The following SEL1L3 variants were observed in gnomAD, a reference collection of about 807,000 sequenced individuals.
SEL1L3 encodes protein sel-1 homolog 3.
Under a neutral mutation model 142.8 loss-of-function variants are expected in SEL1L3, and 76 were observed. That is an observed-to-expected ratio of 0.53 (90% confidence interval 0.44 to 0.64). The LOEUF (loss-of-function observed/expected upper bound fraction) is 0.64. SEL1L3 is among the 30% of genes least tolerant of loss of function. SEL1L3 has a pLI of 0.00. For synonymous variants in SEL1L3, 504 were observed against 519.6 expected, an observed-to-expected ratio of 0.97 and a Z score of 0.41; for missense variants, 1,262 against 1,381.7, an observed-to-expected ratio of 0.91 and a Z score of 1.37.
chr4:25,855,049 T>C (rs1003986316), intron 1 of SEL1L3, among the ~76,000 whole-genome samples: 2 of 152,240 alleles, frequency 1.3e-5, no homozygotes, highest in Admixed American at 1.3e-4. Flanking sequence ...ACCCATGCAA[T>C]GAAGGAAGCT....
At chr4:25,739,729 A>C in the SEL1L3 span, among the ~76,000 whole-genome samples, 1 of 149,028 alleles carries the variant, frequency 6.7e-6, no homozygotes. Flanking sequence ...ACAAAAAAAA[A>C]ACCCATGTGT....
chr4:25,744,783 AAGACTAAGACAC>A (rs1222877911), downstream of SEL1L3, among the ~76,000 whole-genome samples: 6 of 152,330 alleles, frequency 3.9e-5, no homozygotes, highest in East Asian at 1.2e-3. Context: ...CTTATGAGAA[AAGACTAAGACAC>A]AGACACACGC....
At chr4:25,767,261 G>A (rs1351410395) in intron 19 of SEL1L3, among the ~76,000 whole-genome samples, 1 of 152,124 alleles carries the variant, frequency 6.6e-6, no homozygotes, top group Non-Finnish European at 1.5e-5. Flanking sequence ...CTCCAGCCCG[G>A]GGAACAGAGT....
At chr4:25,794,686 A>G (rs1007401385) in intron 11 of SEL1L3, among the ~76,000 whole-genome samples, 1 of 152,212 alleles carries the variant, frequency 6.6e-6, no homozygotes, top group Middle Eastern at 3.2e-3. Context: ...ACCAGAAATA[A>G]CATTTGACCC....
At chr4:25,773,420 T>C (rs949407476) in intron 17 of SEL1L3, 1 of 152,154 alleles carries the variant, frequency 6.6e-6, no homozygotes, top group Non-Finnish European at 1.5e-5. Flanking sequence ...TGTCACTCTT[T>C]GGAGGTTATG....
At chr4:25,815,869 G>C (rs1034726110) in intron 9 of SEL1L3, among the ~76,000 whole-genome samples, 11 of 150,434 alleles carry the variant, frequency 7.3e-5, no homozygotes, top group African/African-American at 2.0e-4. Flanking sequence ...AGGGATATTG[G>C]GGGGGGTGCT....
At chr4:25,814,112 C>T (rs966748967) in intron 9 of SEL1L3, among the ~76,000 whole-genome samples, 1 of 152,118 alleles carries the variant, frequency 6.6e-6, no homozygotes, top group Non-Finnish European at 1.5e-5. Context: ...AGATGACTCT[C>T]AGACAGAACC....
chr4:25,802,532 G>T, intron 10 of SEL1L3, 70 bp from the exon 11 acceptor site: 1 of 1,326,356 alleles, frequency 7.5e-7, no homozygotes, highest in Non-Finnish European at 1.1e-6. Flanking sequence ...ACACTGAAAG[G>T]TTGTCAGGCC....
chr4:25,738,254 G>T, the SEL1L3 span, among the ~76,000 whole-genome samples: 1 of 152,108 alleles, frequency 6.6e-6, no homozygotes, highest in Admixed American at 6.6e-5. Context: ...GAACCCATGG[G>T]TATGGAGGGG....
rs761270629 is a variant in SEL1L3 at position 25,832,980 on chromosome 4, C to G, written c.1098+15G>C. The stretch of plus-strand genomic sequence containing the variant: ...AATGCTCGTATGTCGTGTGATGAAG[C>G]GTGCATACAGATACCTGGCCTCCGT... On this transcript the variant is annotated intron_variant, in intron 5 of 23. Transcript: ENST00000399878. The G allele has an allele frequency of 2.9e-6, 4 of 1,380,812 alleles. No homozygotes were observed. The South Asian group carries it at 4.6e-5, about 16-fold the overall frequency. The allele number at this position is 1,380,812 out of a possible 1,614,324, so 85.5% of individuals were successfully genotyped here.
chr4:25,835,224 G>C lies in SEL1L3; in HGVS notation c.833C>G (p.Thr278Ser), dbSNP rs1202361796. The C allele has an allele frequency of 6.2e-7, 1 of 1,613,882 alleles. No individual in the cohort carries two copies. The highest frequency in any genetic ancestry group is 1.7e-5 in the Admixed American group (1 of 60,004). ...PRFRNRELEA[T>S]RRQRMDYPVF... Reference sequence around the variant, plus strand: ...TGGGTAATCCATCCTCTGGCGTCGAGTGGCCTCCAGCTCTCGGTTCCGAAA... The same window carrying C: ...TGGGTAATCCATCCTCTGGCGTCGACTGGCCTCCAGCTCTCGGTTCCGAAA... Residue 278 changes from threonine (T) to serine (S), a missense_variant, in exon 3 of 24, where the codon ACT (threonine) becomes AGT (serine). By Grantham distance (58) the Thr-to-Ser change is moderately conservative. This residue lies in a region of SEL1L3 where 689 missense variants were observed against 692.8 expected (regional missense o/e 0.99). Transcript: ENST00000399878.
downstream of SEL1L3, among the ~76,000 whole-genome samples, chr4:25,744,835 G>A (rs545585386): frequency 3.3e-5 from 5 of 152,318 alleles, no homozygotes; most frequent in South Asian, 2.1e-4. Context: ...TGAAGACACC[G>A]AAAGGTGACG....
At chr4:25,790,851 T>C (rs1040772345) in intron 11 of SEL1L3, among the ~76,000 whole-genome samples, 4 of 152,036 alleles carry the variant, frequency 2.6e-5, no homozygotes, top group Admixed American at 6.6e-5. Context: ...ATCCAAATGA[T>C]ATAAGCACGC....
intron 23 of SEL1L3, chr4:25,756,000 A>T: frequency 1.0e-6 from 1 of 985,442 alleles, no homozygotes; most frequent in Non-Finnish European, 1.2e-6. Context: ...GAAGGTTTTG[A>T]TGGGTCCTTG....
At chr4:25,852,305 C>A (rs1435726582) in intron 1 of SEL1L3, among the ~76,000 whole-genome samples, 2 of 152,184 alleles carry the variant, frequency 1.3e-5, no homozygotes, top group Non-Finnish European at 2.9e-5. Flanking sequence ...CCCACCCACT[C>A]CCACCTTCCC....
chr4:25,825,329 T>G (rs913880357), intron 6 of SEL1L3, among the ~76,000 whole-genome samples: 17 of 152,236 alleles, frequency 1.1e-4, no homozygotes, highest in African/African-American at 3.9e-4. Context: ...TTCCTTGTAC[T>G]GTGCACTGTT....
intron 17 of SEL1L3, among the ~76,000 whole-genome samples, chr4:25,774,138 A>G (rs1719433542): frequency 6.6e-6 from 1 of 152,236 alleles, no homozygotes; most frequent in African/African-American, 2.4e-5. Flanking sequence ...ATCATGATCC[A>G]TGGAAGAACA....
intron 1 of SEL1L3, among the ~76,000 whole-genome samples, chr4:25,851,923 T>C (rs1181836353): frequency 6.8e-6 from 1 of 145,986 alleles, no homozygotes; most frequent in African/African-American, 2.5e-5. Flanking sequence ...CAGTGGAAAC[T>C]ATGTCTTCTG....
chr4:25,733,868 A>G, the SEL1L3 span, among the ~76,000 whole-genome samples: 2 of 152,164 alleles, frequency 1.3e-5, no homozygotes, highest in Non-Finnish European at 2.9e-5. Context: ...AGGACTGGCC[A>G]TAGCAGACAT....
Sources: gnomAD v4.1 joint callset for allele counts (sites outside exome capture counted in the v4.1 genomes callset) on GRCh38, gnomAD v4.1.1 for gene constraint, gnomAD v4.1.1 regional missense constraint, MANE v1.5 for transcripts, NCBI Gene and HGNC (gene_info 2026-07-23, HGNC 2026-07-21) for gene names.